The following RHOBTB3 variants were observed in gnomAD, a reference collection of about 807,000 sequenced individuals.
RHOBTB3 encodes the protein rho-related BTB domain-containing protein 3.
Under a neutral mutation model 67.2 loss-of-function variants are expected in RHOBTB3, and 47 were observed. That is an observed-to-expected ratio of 0.70 (90% confidence interval 0.55 to 0.89). The LOEUF (loss-of-function observed/expected upper bound fraction) is 0.89. Among genes scored for constraint, RHOBTB3 ranks in the 40% least tolerant of loss-of-function variants. The probability of loss-of-function intolerance (pLI) is 0.00; values close to 1 mark genes in which losing one functional copy is unlikely to be tolerated. For synonymous variants in RHOBTB3, 273 were observed against 274.2 expected (o/e 1.00, Z 0.04); for missense variants, 631 against 750.0 (o/e 0.84, Z 1.85).
intron 11 of RHOBTB3, among the ~76,000 whole-genome samples, chr5:95,790,507 A>G (rs1171693062): frequency 6.6e-6 from 1 of 152,234 alleles, no homozygotes; most frequent in African/African-American, 2.4e-5. Flanking sequence ...TTTAGTTATG[A>G]ATTTTCATTA....
At chr5:95,770,597 C>T in intron 8 of RHOBTB3, 1 of 456,506 alleles carries the variant, frequency 2.2e-6, no homozygotes, top group Non-Finnish European at 4.4e-6. Context: ...TTATTAGATG[C>T]TGCTTGGGTG....
At chr5:95,730,520 T>A (rs183712338), upstream of RHOBTB3, among the ~76,000 whole-genome samples, 25 of 152,348 alleles carry the variant, frequency 1.6e-4, no homozygotes, top group Non-Finnish European at 3.5e-4. Context: ...ATCTAAAGTA[T>A]CTTTGCATTT....
Position 95,795,254 on chromosome 5 carries a change from A to G in RHOBTB3, c.*2080A>G, listed in dbSNP as rs1746536575. ...TTTTGTATTTTAATCACTTGAGTTAATCAACCACTGGCAAATCCCATTTGA... is the reference window on the plus strand; with the variant it reads ...TTTTGTATTTTAATCACTTGAGTTAGTCAACCACTGGCAAATCCCATTTGA... On this transcript the variant is annotated 3_prime_UTR_variant, in exon 12 of 12. Coordinates refer to ENST00000379982, the MANE Select transcript of RHOBTB3 (RefSeq NM_014899.4). The G allele has an allele frequency of 6.6e-6, 1 of 152,196 alleles. No individual in the cohort carries two copies. Among genetic ancestry groups the G allele is most frequent in the East Asian group, 1.9e-4 (1 of 5,204 alleles). 9.4% of individuals were successfully genotyped at this position (152,196 alleles called of 1,614,324 possible). A position where few individuals can be genotyped will look rare whatever the true frequency, so the allele number is the denominator to read the frequency against.
chr5:95,764,770 A>C (rs901392561), intron 7 of RHOBTB3, among the ~76,000 whole-genome samples: 1 of 152,234 alleles, frequency 6.6e-6, no homozygotes, highest in Non-Finnish European at 1.5e-5. Flanking sequence ...TGTTTTACAA[A>C]AATGAAACTG....
chr5:95,731,261 C>A, upstream of RHOBTB3: 1 of 1,008,320 alleles, frequency 9.9e-7, no homozygotes, highest in Non-Finnish European at 1.2e-6. Context: ...TGCGCCCGGT[C>A]CGCTGAGGGG....
intron 6 of RHOBTB3, among the ~76,000 whole-genome samples, chr5:95,758,772 T>A (rs1304888492): frequency 6.6e-6 from 1 of 152,204 alleles, no homozygotes; most frequent in Non-Finnish European, 1.5e-5. Context: ...AGATTCTGAT[T>A]CAGTTACCTG....
chr5:95,778,256 C>G (rs1157631013), intron 8 of RHOBTB3, among the ~76,000 whole-genome samples: 1 of 152,148 alleles, frequency 6.6e-6, no homozygotes, highest in African/African-American at 2.4e-5. Context: ...CTATGAGTAT[C>G]CTCCTGCATA....
intron 8 of RHOBTB3, among the ~76,000 whole-genome samples, chr5:95,778,576 C>T (rs1745958847): frequency 6.6e-6 from 1 of 152,126 alleles, no homozygotes; most frequent in Non-Finnish European, 1.5e-5. Flanking sequence ...TCAAATTCTA[C>T]CCCCATCAAC....
At chr5:95,786,879 C>T (rs1746238405) in intron 10 of RHOBTB3, among the ~76,000 whole-genome samples, 1 of 152,140 alleles carries the variant, frequency 6.6e-6, no homozygotes, top group African/African-American at 2.4e-5. Flanking sequence ...AGACATGTTC[C>T]ATTCCTGTTA....
intron 8 of RHOBTB3, chr5:95,769,064 C>A: frequency 2.8e-6 from 1 of 355,792 alleles, no homozygotes. Context: ...CTCACTTGGG[C>A]TTATGCCAAA....
At chr5:95,737,199 C>A in intron 3 of RHOBTB3, 124 bp downstream of exon 3, 1 of 602,464 alleles carries the variant, frequency 1.7e-6, no homozygotes. Flanking sequence ...TGGTTCAATG[C>A]CAGCTGCTAT....
chr5:95,773,073 G>A (rs1745764949), intron 8 of RHOBTB3, among the ~76,000 whole-genome samples: 1 of 152,160 alleles, frequency 6.6e-6, no homozygotes, highest in Non-Finnish European at 1.5e-5. Context: ...CATTATGTTA[G>A]CATAACTCAC....
chr5:95,763,011 T>G (rs1484546772), intron 6 of RHOBTB3, among the ~76,000 whole-genome samples: 2 of 152,192 alleles, frequency 1.3e-5, no homozygotes. Flanking sequence ...GCTGGTTTTG[T>G]AGAGTTGGCT....
At chr5:95,780,071 C>G in intron 8 of RHOBTB3, 181 bp from the exon 9 acceptor site, 1 of 498,294 alleles carries the variant, frequency 2.0e-6, no homozygotes, top group Non-Finnish European at 3.6e-6. Flanking sequence ...TCTGAACTTT[C>G]TTTATTGCTC....
chr5:95,765,685 G>A (rs573933381), intron 7 of RHOBTB3, among the ~76,000 whole-genome samples: 1 of 152,266 alleles, frequency 6.6e-6, no homozygotes, highest in East Asian at 1.9e-4. Flanking sequence ...TTTTTGAGAC[G>A]GAGTCTCGCT....
At chr5:95,721,673 T>C (rs955483415) in intron 1 of RHOBTB3, among the ~76,000 whole-genome samples, 2 of 146,114 alleles carry the variant, frequency 1.4e-5, no homozygotes, top group African/African-American at 5.1e-5. Flanking sequence ...AAGAGGAATA[T>C]CTGATTCTAC....
At chr5:95,746,638 AAACTATATTTTT>A (rs1213378580) in intron 3 of RHOBTB3, among the ~76,000 whole-genome samples, 6 of 152,294 alleles carry the variant, frequency 3.9e-5, no homozygotes, top group African/African-American at 1.4e-4. Context: ...TTCTCTACTA[AAACTATATTTTT>A]ATTTTTCCTT....
At chr5:95,768,872 AG>A (rs1745624461) in intron 8 of RHOBTB3, 1 of 159,484 alleles carries the variant, frequency 6.3e-6, no homozygotes, top group Non-Finnish European at 1.4e-5. Context: ...CCAGCACACA[AG>A]GTGCCACCAG....
intron 9 of RHOBTB3, chr5:95,782,336 A>G (rs1746073350): frequency 6.6e-6 from 1 of 152,220 alleles, no homozygotes; most frequent in African/African-American, 2.4e-5. Flanking sequence ...AAGTATTGAA[A>G]AAACCCCCAG....
Sources: allele counts gnomAD v4.1 joint callset (sites outside exome capture counted in the v4.1 genomes callset), GRCh38; gene constraint gnomAD v4.1.1; transcripts MANE v1.5; gene names NCBI Gene and HGNC (gene_info 2026-07-23, HGNC 2026-07-21).